Variants in CTNND2 observed in about 807,000 individuals in gnomAD.
The protein encoded by CTNND2 is catenin delta 2.
Under a neutral mutation model 144.4 loss-of-function variants are expected in CTNND2, and 22 were observed. The ratio of observed to expected loss-of-function variants is 0.15; its 90% CI spans 0.11 to 0.22. The LOEUF (loss-of-function observed/expected upper bound fraction) is 0.22, where lower values mean the gene tolerates loss of function less well. CTNND2 is among the 10% of genes least tolerant of loss of function. The pLI, the probability that CTNND2 is intolerant of heterozygous loss-of-function variation, is 1.00. For synonymous variants in CTNND2, 751 were observed against 695.6 expected (o/e 1.08, Z -1.25); for missense variants, 1,353 against 1,618.8 (o/e 0.84, Z 2.82).
chr5:11,051,991 C>T (rs13177696), intron 16 of CTNND2, among the ~76,000 whole-genome samples: 11,596 of 152,216 alleles, frequency 0.076, 575 homozygotes, highest in Non-Finnish European at 0.1. Flanking sequence ...AAAGCATGCA[C>T]GGTAATCCCA....
chr5:11,368,662 G>T (rs1462845587), intron 7 of CTNND2, among the ~76,000 whole-genome samples: 1 of 152,158 alleles, frequency 6.6e-6, no homozygotes. Context: ...TCAATAGTTT[G>T]AGGTAAACAG....
At chr5:11,495,194 T>C (rs1178703265) in intron 3 of CTNND2, among the ~76,000 whole-genome samples, 3 of 152,194 alleles carry the variant, frequency 2.0e-5, no homozygotes, top group Non-Finnish European at 4.4e-5. Context: ...TTTAACTGAC[T>C]CTGACTTGAA....
At position 10,973,354 on chromosome 5, in the gene CTNND2, T is replaced by C; in HGVS notation, c.*99A>G. 1.5e-6 allele frequency: 2 copies of C among 1,352,772 alleles called. No homozygotes were observed. Among genetic ancestry groups the C allele is most frequent in the Non-Finnish European group, 2.0e-6 (2 of 1,012,832 alleles). The allele number at this position is 1,352,772 out of a possible 1,614,324, so 83.8% of individuals were successfully genotyped here. A position where few individuals can be genotyped will look rare whatever the true frequency, so the allele number is the denominator to read the frequency against. On this transcript the variant is annotated 3_prime_UTR_variant, in exon 22 of 22. Transcript: ENST00000304623. The surrounding 1 kb of genome is among the most constrained non-coding windows in gnomAD (Gnocchi z 5.6). The stretch of plus-strand genomic sequence containing the variant: ...CACAGCCTTCCTATGGAACAGGCTT[T>C]AACAAACTAAATTTGCAGGAGAAAA...
intron 16 of CTNND2, among the ~76,000 whole-genome samples, chr5:11,043,357 T>C (rs1053457565): frequency 2.0e-5 from 3 of 152,196 alleles, no homozygotes; most frequent in Non-Finnish European, 4.4e-5. Context: ...TTAGCATTAT[T>C]ATTACTCTAC....
intron 10 of CTNND2, among the ~76,000 whole-genome samples, chr5:11,220,428 A>C (rs551072343): frequency 6.6e-6 from 1 of 152,158 alleles, no homozygotes; most frequent in East Asian, 1.9e-4. Context: ...AGGAGCTTCT[A>C]CTCCTCACAT....
At chr5:11,629,340 A>G (rs984505833) in intron 2 of CTNND2, among the ~76,000 whole-genome samples, 26 of 152,198 alleles carry the variant, frequency 1.7e-4, no homozygotes, top group African/African-American at 6.0e-4. Flanking sequence ...CACAGGAGGT[A>G]GAACAGATCT....
At chr5:11,262,269 G>A (rs1225094166) in intron 9 of CTNND2, among the ~76,000 whole-genome samples, 1 of 152,090 alleles carries the variant, frequency 6.6e-6, no homozygotes. Context: ...CAACATAATA[G>A]GGAAGTCCCC....
At chr5:11,557,895 C>A (rs974819275) in intron 3 of CTNND2, among the ~76,000 whole-genome samples, 1 of 152,180 alleles carries the variant, frequency 6.6e-6, no homozygotes, top group Non-Finnish European at 1.5e-5. Flanking sequence ...CATTTGGAAT[C>A]TCTTGATAAT....
At chr5:11,068,490 A>T (rs1747859014) in intron 16 of CTNND2, among the ~76,000 whole-genome samples, 1 of 152,194 alleles carries the variant, frequency 6.6e-6, no homozygotes, top group African/African-American at 2.4e-5. Flanking sequence ...GTTATAAAAG[A>T]TGCTCTGGTA....
chr5:11,399,276 G>A (rs1344317023), intron 5 of CTNND2, among the ~76,000 whole-genome samples: 1 of 152,070 alleles, frequency 6.6e-6, no homozygotes, highest in African/African-American at 2.4e-5. Context: ...GGGCAAAGAA[G>A]GTTAAAGCAG....
At chr5:11,425,547 G>C (rs980802376) in intron 3 of CTNND2, among the ~76,000 whole-genome samples, 3 of 152,158 alleles carry the variant, frequency 2.0e-5, no homozygotes, top group Non-Finnish European at 4.4e-5. Context: ...TTGAATGAGA[G>C]GTCTGATGAA....
intron 1 of CTNND2, among the ~76,000 whole-genome samples, chr5:11,879,968 T>C (rs529323050): frequency 3.3e-5 from 5 of 152,284 alleles, no homozygotes; most frequent in East Asian, 1.9e-4. Flanking sequence ...TCCATGGCTA[T>C]GGAAGATTGT....
At chr5:11,481,846 C>T (rs1768300057) in intron 3 of CTNND2, among the ~76,000 whole-genome samples, 1 of 152,130 alleles carries the variant, frequency 6.6e-6, no homozygotes, top group Non-Finnish European at 1.5e-5. Context: ...GCCAGTGGCC[C>T]AGAGAGTCCA....
intron 1 of CTNND2, among the ~76,000 whole-genome samples, chr5:11,769,522 C>CAT: frequency 6.6e-6 from 1 of 152,224 alleles, no homozygotes; most frequent in African/African-American, 2.4e-5. Context: ...TAAAACATAA[C>CAT]ATTCTTCTAG....
chr5:10,973,375 G>GA lies in CTNND2; in HGVS notation c.*77dup, dbSNP rs1010452710. On this transcript the variant is annotated 3_prime_UTR_variant, in exon 22 of 22. Transcript: ENST00000304623. This position sits in a 1 kb window ranked among gnomAD's most constrained non-coding sequence, Gnocchi z 5.6. ...GCTTTAACAAACTAAATTTGCAGGA[G>GA]AAAAAAACAAAACAGAAAGAAATGT... is the stretch of plus-strand genomic sequence containing the variant. The GA allele has an allele frequency of 2.8e-6, 4 of 1,431,418 alleles. No homozygotes were observed. In the African/African-American group the frequency reaches 4.3e-5, roughly 15 times the overall value. The allele number at this position is 1,431,418 out of a possible 1,614,324, so 88.7% of individuals were successfully genotyped here. A position where few individuals can be genotyped will look rare whatever the true frequency, so the allele number is the denominator to read the frequency against.
chr5:11,842,205 T>C (rs1245865417), intron 1 of CTNND2, among the ~76,000 whole-genome samples: 2 of 151,962 alleles, frequency 1.3e-5, no homozygotes, highest in East Asian at 3.9e-4. Flanking sequence ...ATTGTGTAAA[T>C]AGTGTCAGGA....
chr5:11,843,509 G>A (rs1057218642), intron 1 of CTNND2, among the ~76,000 whole-genome samples: 1 of 152,078 alleles, frequency 6.6e-6, no homozygotes, highest in Non-Finnish European at 1.5e-5. Context: ...AGTATCACAG[G>A]AGGAAAAAAT....
intron 3 of CTNND2, among the ~76,000 whole-genome samples, chr5:11,462,324 T>C (rs891949077): frequency 6.6e-6 from 1 of 152,184 alleles, no homozygotes; most frequent in African/African-American, 2.4e-5. Context: ...CTCTCTCCTA[T>C]AGGCCTGGCC....
At chr5:11,041,122 G>T (rs1005654681) in intron 16 of CTNND2, among the ~76,000 whole-genome samples, 3 of 152,170 alleles carry the variant, frequency 2.0e-5, no homozygotes, top group Non-Finnish European at 4.4e-5. Context: ...ATGGCTTAAT[G>T]ATTAATTATA....
Sources: gnomAD v4.1 joint callset for allele counts (sites outside exome capture counted in the v4.1 genomes callset) on GRCh38, gnomAD v4.1.1 for gene constraint, Gnocchi (gnomAD v3.1) non-coding constraint, MANE v1.5 for transcripts, NCBI Gene and HGNC (gene_info 2026-07-23, HGNC 2026-07-21) for gene names.